Variants in MYPN observed in about 807,000 individuals in gnomAD.
MYPN encodes myopalladin, also known as sarcomeric protein myopalladin, 145 kDa (MYOP).
MYPN carries 63 observed loss-of-function variants against 129.4 expected under a neutral mutation model. That is an observed-to-expected ratio of 0.49 (90% CI 0.40 to 0.60). The LOEUF (loss-of-function observed/expected upper bound fraction) is 0.60, where lower values mean the gene tolerates loss of function less well. Ranked by LOEUF, MYPN falls within the 20% of genes least tolerant of loss-of-function variation. The probability of loss-of-function intolerance (pLI) is 0.00; values close to 1 mark genes in which losing one functional copy is unlikely to be tolerated. For synonymous variants in MYPN, 629 were observed against 600.9 expected, an observed-to-expected ratio of 1.05 and a Z score of -0.68; for missense variants, 1,596 against 1,635.4, an observed-to-expected ratio of 0.98 and a Z score of 0.42.
rs1248269134 is a variant in MYPN, at chr10:68,143,115, G to C, written c.1078G>C (p.Gly360Arg). ...DSTSAEIYIE[G>R]VSSSDSEGDP... Reference sequence around the variant, plus strand: ...GACTTCTGCTGAGATTTATATAGAAGGTAAAACAAAATGCTCTTGGAGTAT... The same window carrying C: ...GACTTCTGCTGAGATTTATATAGAACGTAAAACAAAATGCTCTTGGAGTAT... Residue 360 changes from glycine (G) to arginine (R), a missense_variant and splice_region_variant, in exon 3 of 20, where the codon GGG becomes CGG. Transcript: ENST00000358913. The C allele has an allele frequency of 6.2e-7, 1 of 1,613,512 alleles. No individual in the cohort carries two copies. Among genetic ancestry groups the C allele is most frequent in the Middle Eastern group, 1.7e-4 (1 of 6,058 alleles).
chr10:68,140,488 T>C (rs2042559398), intron 2 of MYPN, among the ~76,000 whole-genome samples: 1 of 151,660 alleles, frequency 6.6e-6, no homozygotes, highest in Non-Finnish European at 1.5e-5. Flanking sequence ...AATCAGGTAT[T>C]TGCATGACAT....
intron 13 of MYPN, among the ~76,000 whole-genome samples, chr10:68,189,851 C>T (rs971037522): frequency 6.6e-6 from 1 of 152,174 alleles, no homozygotes; most frequent in Admixed American, 6.5e-5. Context: ...ATCTCTTCAA[C>T]ATACTGATTT....
intron 7 of MYPN, among the ~76,000 whole-genome samples, chr10:68,160,742 C>G (rs1254186725): frequency 6.6e-6 from 1 of 151,942 alleles, no homozygotes; most frequent in Non-Finnish European, 1.5e-5. Flanking sequence ...CATGGTGAAA[C>G]CCCGTCTCTA....
At chr10:68,120,073 C>T (rs2042220674) in intron 1 of MYPN, among the ~76,000 whole-genome samples, 1 of 152,310 alleles carries the variant, frequency 6.6e-6, no homozygotes, top group East Asian at 1.9e-4. Context: ...CACTTTCCCA[C>T]ACAGTAGCCA....
chr10:68,211,406 G>T lies in MYPN; in HGVS notation c.*951G>T. On this transcript the variant is annotated 3_prime_UTR_variant, in exon 20 of 20. Transcript: ENST00000358913. ...AGAGATACAAACAAGGAGAGGAAATGATGGGAGAGTGTTGTTTTTGTCACT... is the reference window on the plus strand; with the variant it reads ...AGAGATACAAACAAGGAGAGGAAATTATGGGAGAGTGTTGTTTTTGTCACT... 2.2e-6 allele frequency: 1 copy of T among 454,082 alleles called. No individual in the cohort carries two copies. The highest frequency in any genetic ancestry group is 1.6e-5 in the South Asian group (1 of 64,480). 28.1% of individuals were successfully genotyped at this position (454,082 alleles called of 1,614,324 possible). A position where few individuals can be genotyped will look rare whatever the true frequency, so the allele number is the denominator to read the frequency against.
chr10:68,182,564 T>C (rs1400082524), intron 12 of MYPN, among the ~76,000 whole-genome samples: 5 of 150,602 alleles, frequency 3.3e-5, no homozygotes, highest in Non-Finnish European at 3.0e-5. Context: ...TGGAGTGCAG[T>C]GGCATGATCT....
At chr10:68,163,213 C>T (rs533433235) in intron 8 of MYPN, among the ~76,000 whole-genome samples, 16 of 151,754 alleles carry the variant, frequency 1.1e-4, no homozygotes, top group African/African-American at 3.9e-4. Flanking sequence ...GAGGATCACT[C>T]AAGCCTTGGA....
chr10:68,113,520 A>G (rs1395094318), intron 1 of MYPN, among the ~76,000 whole-genome samples: 4 of 151,790 alleles, frequency 2.6e-5, no homozygotes, highest in African/African-American at 7.3e-5. Context: ...ACATAGGAAG[A>G]CTCCATCTCT....
At chr10:68,106,940 C>A, upstream of MYPN, 2 of 629,426 alleles carry the variant, frequency 3.2e-6, no homozygotes, top group South Asian at 3.7e-5. Flanking sequence ...AGACATGTAA[C>A]CAACCTTGTG....
At chr10:68,175,227 G>T in intron 11 of MYPN, 96 bp from the exon 12 acceptor site, 1 of 1,335,370 alleles carries the variant, frequency 7.5e-7, no homozygotes, top group South Asian at 1.2e-5. Flanking sequence ...AATGACCGCT[G>T]GTTTCTGGTT....
intron 1 of MYPN, among the ~76,000 whole-genome samples, chr10:68,118,247 T>C (rs957691706): frequency 2.0e-5 from 3 of 152,190 alleles, no homozygotes; most frequent in African/African-American, 7.2e-5. Flanking sequence ...CACCAAAGCA[T>C]TGTTTTTTAC....
intron 1 of MYPN, among the ~76,000 whole-genome samples, chr10:68,091,718 C>T (rs903811456): frequency 4.7e-5 from 7 of 149,922 alleles, no homozygotes; most frequent in African/African-American, 1.5e-4. Flanking sequence ...CAAATTTGCT[C>T]GTTTTTTTTT....
At chr10:68,186,913 C>T (rs1425274204) in intron 12 of MYPN, among the ~76,000 whole-genome samples, 1 of 151,906 alleles carries the variant, frequency 6.6e-6, no homozygotes, top group Non-Finnish European at 1.5e-5. Flanking sequence ...GGGGAGGTGA[C>T]ATTTAAGTTT....
At chr10:68,102,045 G>T (rs1223329216), upstream of MYPN, among the ~76,000 whole-genome samples, 1 of 150,072 alleles carries the variant, frequency 6.7e-6, no homozygotes, top group Admixed American at 6.7e-5. Flanking sequence ...CTTGAATGAT[G>T]AATATTACCA....
upstream of MYPN, among the ~76,000 whole-genome samples, chr10:68,104,531 C>T (rs1342458458): frequency 3.9e-5 from 6 of 152,140 alleles, no homozygotes; most frequent in Non-Finnish European, 7.3e-5. Flanking sequence ...TGACTGCTTC[C>T]AATGCCCCAC....
chr10:68,159,068 T>C, intron 7 of MYPN, among the ~76,000 whole-genome samples: 1 of 152,208 alleles, frequency 6.6e-6, no homozygotes, highest in East Asian at 1.9e-4. Context: ...GGAATAAATT[T>C]CTAGTATGAG....
intron 1 of MYPN, among the ~76,000 whole-genome samples, chr10:68,116,779 G>T (rs1440257350): frequency 6.6e-6 from 1 of 151,958 alleles, no homozygotes; most frequent in Non-Finnish European, 1.5e-5. Flanking sequence ...AACAAAGCAT[G>T]ATTTCAGTTA....
At position 68,121,865 on chromosome 10, in the gene MYPN, G is replaced by A. The variant is rs1488532846; in HGVS notation, c.427G>A (p.Glu143Lys). Residue 143 changes from glutamate to lysine, a missense_variant, in exon 2 of 20, where the codon GAA (glutamate) becomes AAA (lysine). Transcript: ENST00000358913. ...GGCAAAAAGGCCACAGTATTGTTCT[G>A]AAACCCAGTCCAAAAAAGTATTTTT... The part of the protein sequence containing the change: ...QEAKRPQYCS[E>K]TQSKKVFLNK... The A allele has an allele frequency of 6.2e-7, 1 of 1,614,076 alleles. No individual in the cohort carries two copies. Among genetic ancestry groups the A allele is most frequent in the Admixed American group, 1.7e-5 (1 of 60,010 alleles).
upstream of MYPN, among the ~76,000 whole-genome samples, chr10:68,103,487 A>G (rs1028119787): frequency 6.6e-6 from 1 of 152,230 alleles, no homozygotes; most frequent in African/African-American, 2.4e-5. Context: ...CACAAAGTCA[A>G]TAAAACTAAA....
Sources: gnomAD v4.1 joint callset for allele counts (sites outside exome capture counted in the v4.1 genomes callset) on GRCh38, gnomAD v4.1.1 for gene constraint, MANE v1.5 for transcripts, NCBI Gene and HGNC (gene_info 2026-07-23, HGNC 2026-07-21) for gene names.